Variants in C5 observed in about 807,000 individuals in gnomAD.
C5 encodes complement C5, also known as C3 and PZP-like alpha-2-macroglobulin domain-containing protein 4.
In C5, 140 loss-of-function variants were observed where a neutral mutation model predicts 218.8. The ratio of observed to expected loss-of-function variants is 0.64; its 90% CI spans 0.56 to 0.74. The LOEUF (loss-of-function observed/expected upper bound fraction) is 0.74, where lower values mean the gene tolerates loss of function less well. C5 is among the 30% of genes least tolerant of loss of function. C5 has a pLI of 0.00. For missense variants in C5, 1,700 were observed against 1,969.6 expected, an observed-to-expected ratio of 0.86 and a Z score of 2.59; for synonymous variants, 614 against 682.3, an observed-to-expected ratio of 0.90 and a Z score of 1.56.
the C5 span, among the ~76,000 whole-genome samples, chr9:121,055,723 TTAGCTGCAGGCATAACCAGGCAGTAG>T: frequency 6.6e-6 from 1 of 152,142 alleles, no homozygotes; most frequent in Non-Finnish European, 1.5e-5. Context: ...TGAATAAACA[TTAGCTGCAGGCATAACCAGGCAGTAG>T]TGGCTGCAGG....
chr9:121,002,308 ATG>A (rs71370613), intron 20 of C5, among the ~76,000 whole-genome samples: 5,606 of 66,470 alleles, frequency 0.084, 413 homozygotes, highest in African/African-American at 0.17. Flanking sequence ...GTATATATAT[ATG>A]TGTGTGTATA....
chr9:121,046,209 T>C lies in C5; in HGVS notation c.240A>G (p.Gln80=). The C allele has an allele frequency of 1.3e-6, 2 of 1,591,070 alleles. No homozygotes were observed. The highest frequency in any genetic ancestry group is 1.7e-6 in the Non-Finnish European group (2 of 1,161,558). ...HVHLSSENKF[Q]NSAILTIQPK... ...TACATACTGTTAAGATTGCAGAGTT[T>C]TGGAATTTATTCTCTGAGGATAAAT... The change falls in exon 2 of 41, where the codon CAA becomes CAG. Residue 80 remains glutamine (Q), a synonymous_variant. Coordinates refer to ENST00000223642, the MANE Select transcript of C5 (RefSeq NM_001735.3).
chr9:120,967,748 G>A (rs1564133706), intron 33 of C5, among the ~76,000 whole-genome samples: 1 of 151,594 alleles, frequency 6.6e-6, no homozygotes, highest in Non-Finnish European at 1.5e-5. Context: ...TGGAGACAAG[G>A]TCTCAATTTT....
At chr9:121,037,438 C>T (rs1186291840) in intron 4 of C5, among the ~76,000 whole-genome samples, 6 of 83,224 alleles carry the variant, frequency 7.2e-5, no homozygotes, top group South Asian at 1.2e-3. Context: ...CTCAGCCTCC[C>T]GAGTAGCTGG....
intron 2 of C5, among the ~76,000 whole-genome samples, chr9:121,045,052 C>A (rs1377783397): frequency 1.3e-5 from 2 of 150,388 alleles, no homozygotes; most frequent in South Asian, 2.1e-4. Flanking sequence ...TGGGTTCAAG[C>A]GATTCTCCTG....
chr9:121,070,479 A>G, the C5 span, among the ~76,000 whole-genome samples: 122 of 148,330 alleles, frequency 8.2e-4, no homozygotes, highest in Admixed American at 1.5e-3. Flanking sequence ...ATGTGTATAT[A>G]TATGTGTGTG....
At position 121,002,243 on chromosome 9, in the gene C5, T is replaced by TAC. The variant is rs1564146467; in HGVS notation, c.2562+3675_2562+3676insGT. 2.3e-4 allele frequency among the ~76,000 whole-genome samples: 9 copies of TAC among 38,458 alleles called. 1 individual carries two copies. The highest frequency in any genetic ancestry group is 1.5e-3 in the Admixed American group (4 of 2,708). 25.2% of individuals were successfully genotyped at this position (38,458 alleles called of 152,430 possible). A position where few individuals can be genotyped will look rare whatever the true frequency, so the allele number is the denominator to read the frequency against. On this transcript the variant is annotated intron_variant, in intron 20 of 40. Coordinates refer to ENST00000223642, the MANE Select transcript of C5 (RefSeq NM_001735.3). Reference sequence around the variant, plus strand: ...ATATATATATATGTATATATGTATATGTATATATATGTATATATGTATATA... The same window carrying TAC: ...ATATATATATATGTATATATGTATATACGTATATATATGTATATATGTATATA...
chr9:121,009,483 A>T (rs902427573), intron 17 of C5, among the ~76,000 whole-genome samples: 12 of 152,234 alleles, frequency 7.9e-5, no homozygotes, highest in African/African-American at 2.9e-4. Context: ...GGAATGAGGG[A>T]GAGTTCCAGG....
intron 36 of C5, among the ~76,000 whole-genome samples, 161 bp downstream of exon 36, chr9:120,962,510 T>C (rs2046834739): frequency 6.6e-6 from 1 of 152,208 alleles, no homozygotes; most frequent in Non-Finnish European, 1.5e-5. Context: ...TGTACAATAT[T>C]TTGTATGCAG....
intron 20 of C5, among the ~76,000 whole-genome samples, chr9:121,002,614 C>T (rs931223654): frequency 6.6e-6 from 1 of 151,968 alleles, no homozygotes; most frequent in African/African-American, 2.4e-5. Flanking sequence ...GATGGTCTGA[C>T]TGTCTTAGTA....
intron 15 of C5, among the ~76,000 whole-genome samples, chr9:121,015,465 C>A (rs1161039219): frequency 6.6e-6 from 1 of 152,078 alleles, no homozygotes; most frequent in East Asian, 1.9e-4. Context: ...GATCTAGTGT[C>A]ATATCTTTTG....
At position 121,030,466 on chromosome 9, in the gene C5, G is replaced by A; in HGVS notation, c.689C>T (p.Ser230Leu). 6.5e-7 allele frequency: 1 copy of A among 1,547,780 alleles called. No homozygotes were observed. Reference sequence around the variant, plus strand: ...AATGAAATTATATTCTGGCTCGATTGAGACAGAAAAATGTGGCAAGACTGA... The same window carrying A: ...AATGAAATTATATTCTGGCTCGATTAAGACAGAAAAATGTGGCAAGACTGA... The part of the protein sequence containing the change: ...KEYVLPHFSV[S>L]IEPEYNFIGY... The change falls in exon 7 of 41, where the codon TCA becomes TTA. Residue 230 changes from serine to leucine, a missense_variant. Transcript: ENST00000223642.
chr9:121,034,971 G>A (rs781439678), intron 4 of C5, 77 bp from the exon 5 acceptor site: 15 of 700,910 alleles, frequency 2.1e-5, no homozygotes, highest in Non-Finnish European at 3.5e-5. Context: ...AATCTTTGAT[G>A]TACAAAATAT....
the C5 span, among the ~76,000 whole-genome samples, chr9:121,073,411 T>C: frequency 6.6e-6 from 1 of 152,052 alleles, no homozygotes; most frequent in Non-Finnish European, 1.5e-5. Context: ...CTTTGTCTAA[T>C]AATGAAATAT....
chr9:121,023,270 G>A (rs1371392746), intron 10 of C5, 134 bp downstream of exon 10: 5 of 739,012 alleles, frequency 6.8e-6, no homozygotes, highest in Admixed American at 5.3e-5. Context: ...TCCACCAGGA[G>A]GGGCAGGTTT....
chr9:121,025,448 A>ACACACACACT lies in C5; in HGVS notation c.1000+5_1000+6insAGTGTGTGTG, dbSNP rs778347866. 1.2e-6 allele frequency: 2 copies of ACACACACACT among 1,607,810 alleles called. No homozygotes were observed. Among genetic ancestry groups the ACACACACACT allele is most frequent in the Non-Finnish European group, 1.7e-6 (2 of 1,177,624 alleles). On this transcript the variant is annotated splice_donor_region_variant and intron_variant, in intron 9 of 40. Coordinates refer to ENST00000223642, the MANE Select transcript of C5 (RefSeq NM_001735.3). ...CACACACACACACACACACACACAC[A>ACACACACACT]CTTACCTGTAGACTCTATGACTGTT...
chr9:121,014,637 A>G (rs41309854), intron 16 of C5, among the ~76,000 whole-genome samples: 1,919 of 152,248 alleles, frequency 0.013, 42 homozygotes, highest in African/African-American at 0.044. Context: ...TCATATACAA[A>G]TGGAAGAAAC....
At chr9:121,036,410 C>T (rs1044166822) in intron 4 of C5, among the ~76,000 whole-genome samples, 3 of 152,094 alleles carry the variant, frequency 2.0e-5, no homozygotes, top group Non-Finnish European at 4.4e-5. Context: ...CAGGTTATGC[C>T]ATGATTCTGC....
intron 11 of C5, 101 bp from the exon 12 acceptor site, chr9:121,020,280 T>A (rs1471441169): frequency 1.0e-6 from 1 of 989,674 alleles, no homozygotes; most frequent in Non-Finnish European, 1.6e-6. Context: ...ATTTCTAAAT[T>A]TCACAATAAC....
Sources: allele counts gnomAD v4.1 joint callset (sites outside exome capture counted in the v4.1 genomes callset), GRCh38; gene constraint gnomAD v4.1.1; transcripts MANE v1.5; gene names NCBI Gene and HGNC (gene_info 2026-07-23, HGNC 2026-07-21).